The following ZFR2 variants were observed in gnomAD, a reference collection of about 807,000 sequenced individuals.
The protein encoded by ZFR2 is zinc finger RNA-binding protein 2.
In ZFR2, 104 loss-of-function variants were observed where a neutral mutation model predicts 105.7. The observed-to-expected ratio is 0.98, with a 90% confidence interval of 0.84 to 1.16. ZFR2 has a LOEUF of 1.16. Ranked by LOEUF, ZFR2 falls within the 50% of genes most tolerant of loss-of-function variation. The pLI, the probability that ZFR2 is intolerant of heterozygous loss-of-function variation, is 0.00. For synonymous variants in ZFR2, 634 were observed against 597.7 expected (o/e 1.06, Z -0.89); for missense variants, 1,425 against 1,355.5 (o/e 1.05, Z -0.80).
intron 15 of ZFR2, 122 bp downstream of exon 15, chr19:3,811,150 G>C: frequency 1.3e-5 from 13 of 964,774 alleles, no homozygotes; most frequent in Non-Finnish European, 1.9e-5. Flanking sequence ...CTGATGGCAG[G>C]CGTCCCGGTC....
intron 1 of ZFR2, among the ~76,000 whole-genome samples, chr19:3,865,249 G>T (rs146607077): frequency 5.0e-4 from 76 of 152,226 alleles, no homozygotes; most frequent in African/African-American, 1.7e-3. Context: ...GTGAATGTGG[G>T]TCCAATTCTT....
chr19:3,819,488 T>C (rs900212163), intron 11 of ZFR2, among the ~76,000 whole-genome samples: 1 of 152,196 alleles, frequency 6.6e-6, no homozygotes, highest in African/African-American at 2.4e-5. Flanking sequence ...TTTGGCCATA[T>C]TCTTAAATTT....
intron 1 of ZFR2, among the ~76,000 whole-genome samples, chr19:3,843,349 T>A (rs912002142): frequency 3.3e-5 from 5 of 151,876 alleles, no homozygotes; most frequent in Admixed American, 3.3e-4. Flanking sequence ...GGCGTGCCTG[T>A]AATCCCAGCT....
intron 1 of ZFR2, among the ~76,000 whole-genome samples, chr19:3,845,077 G>A (rs2038173408): frequency 6.6e-6 from 1 of 152,202 alleles, no homozygotes; most frequent in Non-Finnish European, 1.5e-5. Flanking sequence ...CGGTCCCTCT[G>A]TGGCTTGCAG....
At chr19:3,819,852 C>CAAAAAAAAAAAAAAA (rs1555754315) in intron 11 of ZFR2, among the ~76,000 whole-genome samples, 109 of 138,456 alleles carry the variant, frequency 7.9e-4, no homozygotes, top group African/African-American at 2.4e-3. Context: ...GACTCTGTCT[C>CAAAAAAAAAAAAAAA]AAAAAAAAAT....
chr19:3,863,071 T>C (rs1260289218), intron 1 of ZFR2, among the ~76,000 whole-genome samples: 1 of 152,198 alleles, frequency 6.6e-6, no homozygotes, highest in Non-Finnish European at 1.5e-5. Flanking sequence ...CTGTGTTCCT[T>C]GGACCTAAGC....
At chr19:3,812,185 C>T (rs1029161867) in intron 14 of ZFR2, among the ~76,000 whole-genome samples, 13 of 152,148 alleles carry the variant, frequency 8.5e-5, no homozygotes, top group African/African-American at 2.9e-4. Flanking sequence ...CTCAGGTGAT[C>T]CGCCGGCCTT....
At chr19:3,812,862 T>C (rs1325338469) in intron 14 of ZFR2, among the ~76,000 whole-genome samples, 1 of 152,156 alleles carries the variant, frequency 6.6e-6, no homozygotes, top group Non-Finnish European at 1.5e-5. Flanking sequence ...GTGGATCACC[T>C]GAAGTCAGGA....
chr19:3,865,288 C>A (rs1251436139), intron 1 of ZFR2, among the ~76,000 whole-genome samples: 1 of 152,124 alleles, frequency 6.6e-6, no homozygotes, highest in Non-Finnish European at 1.5e-5. Flanking sequence ...AGTTCAGATA[C>A]CAACCCTATT....
At chr19:3,807,831 C>T (rs945232628) in intron 17 of ZFR2, among the ~76,000 whole-genome samples, 1 of 146,406 alleles carries the variant, frequency 6.8e-6, no homozygotes, top group Non-Finnish European at 1.5e-5. Context: ...TGTATGTGCA[C>T]TCATTCCATG....
At chr19:3,833,839 G>C (rs1370764201) in intron 2 of ZFR2, 61 bp from the exon 3 acceptor site, 1 of 1,328,390 alleles carries the variant, frequency 7.5e-7, no homozygotes, top group Admixed American at 2.0e-5. Flanking sequence ...CAGGCGGTGG[G>C]TGCGACGCGC....
intron 1 of ZFR2, among the ~76,000 whole-genome samples, chr19:3,863,319 C>G (rs1284069987): frequency 6.6e-6 from 1 of 152,216 alleles, no homozygotes; most frequent in East Asian, 1.9e-4. Flanking sequence ...TTCAAGCTAC[C>G]TGTTGCCCGG....
intron 11 of ZFR2, among the ~76,000 whole-genome samples, chr19:3,819,940 G>A (rs533612417): frequency 1.5e-4 from 23 of 152,146 alleles, no homozygotes; most frequent in Non-Finnish European, 3.1e-4. Flanking sequence ...ACAGAGGCAT[G>A]AGGCTCCCCA....
intron 1 of ZFR2, among the ~76,000 whole-genome samples, chr19:3,841,919 T>A (rs2038136605): frequency 6.6e-6 from 1 of 152,004 alleles, no homozygotes; most frequent in East Asian, 2.0e-4. Context: ...CCCAAGTAGC[T>A]AGGATTACAA....
chr19:3,867,313 A>G lies in ZFR2; in HGVS notation c.53+1652T>C, dbSNP rs1175142928. ...GGAAATGATCAACTGTTGGGGGGGG[A>G]ATCTGGTCCCCTCAGAGATGCCAGC... On this transcript the variant is annotated intron_variant, in intron 1 of 18. Coordinates refer to ENST00000262961, the MANE Select transcript of ZFR2 (RefSeq NM_015174.2). Among the ~76,000 whole-genome samples, 3 of 135,254 alleles carry G rather than the reference A, an allele frequency of 2.2e-5. No individual in the cohort carries two copies. In the East Asian group the frequency reaches 6.5e-4, roughly 29 times the overall value. The allele number at this position is 135,254 out of a possible 152,430, so 88.7% of individuals were successfully genotyped here.
intron 1 of ZFR2, among the ~76,000 whole-genome samples, 169 bp from the exon 2 acceptor site, chr19:3,835,152 G>GC (rs1180710480): frequency 6.6e-6 from 1 of 152,062 alleles, no homozygotes; most frequent in East Asian, 1.9e-4. Context: ...AATTAACACC[G>GC]TCTCACAACA....
At chr19:3,828,987 A>C (rs542352447) in intron 5 of ZFR2, among the ~76,000 whole-genome samples, 47 of 140,474 alleles carry the variant, frequency 3.3e-4, no homozygotes, top group Non-Finnish European at 5.8e-4. Context: ...TTTAAGACGG[A>C]GTCTTGCTCT....
At chr19:3,807,350 G>A (rs569062137) in intron 17 of ZFR2, 81 bp from the exon 18 acceptor site, 30 of 1,091,548 alleles carry the variant, frequency 2.7e-5, no homozygotes, top group South Asian at 2.1e-4. Flanking sequence ...CCTCGACACC[G>A]TGGGGCCTCA....
chr19:3,811,644 G>A lies in ZFR2; in HGVS notation c.2243-278C>T, dbSNP rs183294712. ...TAATTTTTGTATTTTTAGTAGAGAC[G>A]GGGTTTCCCCATGTTGGCCAGGCTG... On this transcript the variant is annotated intron_variant, in intron 14 of 18. Coordinates refer to ENST00000262961, the MANE Select transcript of ZFR2 (RefSeq NM_015174.2). Among the ~76,000 whole-genome samples the A allele has an allele frequency of 1.9e-3, 285 of 151,942 alleles. 1 individual carries two copies. Among genetic ancestry groups the A allele is most frequent in the African/African-American group, 6.6e-3 (272 of 41,432 alleles).
Sources: allele counts gnomAD v4.1 joint callset (sites outside exome capture counted in the v4.1 genomes callset), GRCh38; gene constraint gnomAD v4.1.1; transcripts MANE v1.5; gene names NCBI Gene and HGNC (gene_info 2026-07-23, HGNC 2026-07-21).